Variants in BFSP1 observed in about 807,000 individuals in gnomAD.
BFSP1 encodes beaded filament structural protein 1, also known as filensin.
BFSP1 carries 38 observed loss-of-function variants against 43.9 expected under a neutral mutation model. The ratio of observed to expected loss-of-function variants is 0.87; its 90% CI spans 0.67 to 1.14. The LOEUF is 1.14. Ranked by LOEUF, BFSP1 falls within the 50% of genes most tolerant of loss-of-function variation. The pLI is 0.00. For synonymous variants in BFSP1, 352 were observed against 354.8 expected (o/e 0.99, Z 0.09); for missense variants, 850 against 875.1 (o/e 0.97, Z 0.36).
intron 1 of BFSP1, among the ~76,000 whole-genome samples, chr20:17,540,793 G>A (rs2034703292): frequency 6.6e-6 from 1 of 152,100 alleles, no homozygotes; most frequent in Non-Finnish European, 1.5e-5. Flanking sequence ...CTCCCTTCCT[G>A]CTTCCCTTCT....
At chr20:17,535,821 A>G (rs2034619591), upstream of BFSP1, among the ~76,000 whole-genome samples, 1 of 152,234 alleles carries the variant, frequency 6.6e-6, no homozygotes, top group African/African-American at 2.4e-5. Flanking sequence ...TTATAGCTAT[A>G]TATATGTATA....
At chr20:17,506,461 C>T (rs2033939695) in intron 5 of BFSP1, among the ~76,000 whole-genome samples, 1 of 151,850 alleles carries the variant, frequency 6.6e-6, no homozygotes, top group South Asian at 2.1e-4. Context: ...AGTATAAGCA[C>T]ATCTGTCATT....
rs2123441749 is a variant in BFSP1, at chr20:17,493,922, T to C, written c.*152A>G. On this transcript the variant is annotated 3_prime_UTR_variant, in exon 8 of 8. Transcript: ENST00000377873. The stretch of plus-strand genomic sequence containing the variant: ...AAAGGATGTGCAAGCAAAGAAAACA[T>C]TTTAATGAAGGCTTCGTTGGCAATG... 1.4e-6 allele frequency: 1 copy of C among 724,868 alleles called. No individual in the cohort carries two copies. Among genetic ancestry groups the C allele is most frequent in the South Asian group, 2.1e-5 (1 of 47,704 alleles). The allele number at this position is 724,868 out of a possible 1,614,324, so 44.9% of individuals were successfully genotyped here.
At chr20:17,532,312 G>A (rs1420805290), upstream of BFSP1, among the ~76,000 whole-genome samples, 2 of 151,878 alleles carry the variant, frequency 1.3e-5, no homozygotes, top group East Asian at 1.9e-4. Flanking sequence ...GGCTGAGGCA[G>A]GAGAATCGCT....
intron 1 of BFSP1, chr20:17,558,573 T>C (rs999042183): frequency 2.3e-5 from 27 of 1,172,640 alleles, no homozygotes; most frequent in Non-Finnish European, 3.0e-5. Flanking sequence ...ATAAAACAAA[T>C]GTGCAACCCG....
chr20:17,562,007 G>C (rs2035071039), upstream of BFSP1, among the ~76,000 whole-genome samples: 1 of 152,000 alleles, frequency 6.6e-6, no homozygotes, highest in Admixed American at 6.5e-5. Context: ...TGCAACCTCT[G>C]CCTCCTGGGT....
chr20:17,509,132 A>T, intron 4 of BFSP1, 136 bp from the exon 5 acceptor site: 1 of 621,830 alleles, frequency 1.6e-6, no homozygotes, highest in Non-Finnish European at 2.5e-6. Context: ...AACTCCCAAG[A>T]TGAAGGTTTT....
At chr20:17,496,854 G>T in intron 7 of BFSP1, 84 bp downstream of exon 7, 2 of 1,180,052 alleles carry the variant, frequency 1.7e-6, no homozygotes, top group Non-Finnish European at 2.3e-6. Flanking sequence ...TCTGAAGCAA[G>T]CATGAATGTT....
rs545242890 is a variant in BFSP1 at position 17,554,312 on chromosome 20, T to A, written c.2+4376A>T. Among the ~76,000 whole-genome samples, 5 of 152,280 alleles carry A rather than the reference T, an allele frequency of 3.3e-5. No individual in the cohort carries two copies. The East Asian group carries it at 7.7e-4, about 24-fold the overall frequency. On this transcript the variant is annotated intron_variant, in intron 1 of 7. Transcript: ENST00000377868. The stretch of plus-strand genomic sequence containing the variant: ...GAAATAGTCCCAATTTATTCTTTAT[T>A]TTGTGTTTTCACAAACACAAAACCA...
chr20:17,508,542 G>C (rs527617944), intron 5 of BFSP1, among the ~76,000 whole-genome samples: 1 of 152,312 alleles, frequency 6.6e-6, no homozygotes, highest in East Asian at 1.9e-4. Context: ...TACGAAGCTT[G>C]ACCTGGGCAA....
At chr20:17,562,692 C>T (rs6080737), upstream of BFSP1, among the ~76,000 whole-genome samples, 137,027 of 152,152 alleles carry the variant, frequency 0.9, 62,567 homozygotes, top group East Asian at 1. Context: ...AATTGGTCAA[C>T]CTTTAATGTT....
intron 5 of BFSP1, among the ~76,000 whole-genome samples, chr20:17,506,665 C>G (rs1199597952): frequency 6.6e-6 from 1 of 151,734 alleles, no homozygotes. Flanking sequence ...GCTGGAACCA[C>G]AGGCACGCAC....
At chr20:17,538,147 A>G in intron 1 of BFSP1, among the ~76,000 whole-genome samples, 1 of 147,392 alleles carries the variant, frequency 6.8e-6, no homozygotes, top group South Asian at 2.2e-4. Flanking sequence ...AAAGAGAGAA[A>G]GGAAAGGAAA....
intron 5 of BFSP1, among the ~76,000 whole-genome samples, chr20:17,504,515 C>T (rs532975637): frequency 1.3e-5 from 2 of 152,164 alleles, no homozygotes; most frequent in South Asian, 2.1e-4. Flanking sequence ...AGGGGAGGCA[C>T]GCCCAGGGCA....
chr20:17,495,066 G>A, intron 7 of BFSP1, 37 bp from the exon 8 acceptor site: 1 of 1,542,592 alleles, frequency 6.5e-7, no homozygotes, highest in Non-Finnish European at 8.8e-7. Context: ...AAGTATAATT[G>A]TCACTGAGAG....
upstream of BFSP1, among the ~76,000 whole-genome samples, chr20:17,531,990 A>G (rs2034553752): frequency 6.6e-6 from 1 of 152,182 alleles, no homozygotes; most frequent in South Asian, 2.1e-4. Context: ...TGGCGCAAGT[A>G]ATTTCTTAGT....
In BFSP1 at chr20:17,524,821, G is replaced by A. The variant is rs368252118; in HGVS notation, c.438+27C>T. ...CCATTCAACACTGTAATTAAGCTAC[G>A]TAAACCCAAGGATGTGTTCCGCTCA... is the stretch of plus-strand genomic sequence containing the variant. On this transcript the variant is annotated intron_variant, in intron 2 of 7. Transcript: ENST00000377873. The A allele has an allele frequency of 5.9e-5, 95 of 1,610,068 alleles. No homozygotes were observed. The African/African-American group carries it at 1.0e-3, about 18-fold the overall frequency.
At chr20:17,556,968 A>C (rs1258524752) in intron 1 of BFSP1, among the ~76,000 whole-genome samples, 4 of 152,168 alleles carry the variant, frequency 2.6e-5, no homozygotes, top group African/African-American at 9.7e-5. Context: ...ATCCAGGCCC[A>C]TCCGTGTCCT....
intron 1 of BFSP1, among the ~76,000 whole-genome samples, chr20:17,539,743 G>A (rs941947076): frequency 6.6e-6 from 1 of 151,670 alleles, no homozygotes; most frequent in African/African-American, 2.4e-5. Context: ...TCCAGCATGG[G>A]CCACAGAGCA....
Sources: gnomAD v4.1 joint callset for allele counts (sites outside exome capture counted in the v4.1 genomes callset) on GRCh38, gnomAD v4.1.1 for gene constraint, MANE v1.5 for transcripts, NCBI Gene and HGNC (gene_info 2026-07-23, HGNC 2026-07-21) for gene names.